Variants in MARCHF8 observed in about 807,000 individuals in gnomAD.
The protein encoded by MARCHF8 is membrane associated ring-CH-type finger 8, also known as E3 ubiquitin-protein ligase MARCHF8.
MARCHF8 carries 40 observed loss-of-function variants against 51.6 expected under a neutral mutation model. That is an observed-to-expected ratio of 0.77 (90% CI 0.60 to 1.01). MARCHF8 has a LOEUF of 1.01. Ranked by LOEUF, MARCHF8 falls within the 50% of genes least tolerant of loss-of-function variation. The probability of loss-of-function intolerance (pLI) is 0.00; values close to 1 mark genes in which losing one functional copy is unlikely to be tolerated. For synonymous variants in MARCHF8, 263 were observed against 280.3 expected (o/e 0.94, Z 0.62); for missense variants, 685 against 708.6 (o/e 0.97, Z 0.38).
In MARCHF8 at chr10:45,458,030, G is replaced by A. The variant is rs1197961275; in HGVS notation, c.*209C>T. The stretch of plus-strand genomic sequence containing the variant: ...ATGGGGTCTTCCACTTTCCCACAGA[G>A]CTGCCAGGCAGAGGCAGGACCCAGG... On this transcript the variant is annotated 3_prime_UTR_variant, in exon 8 of 8. Transcript: ENST00000453424. The A allele has an allele frequency of 1.8e-6, 1 of 561,084 alleles. No homozygotes were observed. The highest frequency in any genetic ancestry group is 3.1e-6 in the Non-Finnish European group (1 of 324,966). The allele number at this position is 561,084 out of a possible 1,614,324, so 34.8% of individuals were successfully genotyped here. A position where few individuals can be genotyped will look rare whatever the true frequency, so the allele number is the denominator to read the frequency against.
chr10:45,557,844 C>A (rs1239109347), intron 1 of MARCHF8, among the ~76,000 whole-genome samples: 6 of 152,190 alleles, frequency 3.9e-5, no homozygotes, highest in African/African-American at 1.4e-4. Flanking sequence ...GGTAAGCACA[C>A]AGACTCACAG....
At chr10:45,511,141 T>C (rs1369246269) in intron 2 of MARCHF8, among the ~76,000 whole-genome samples, 1 of 152,232 alleles carries the variant, frequency 6.6e-6, no homozygotes. Flanking sequence ...CTCCATTAAG[T>C]ATTTTTCATT....
intron 1 of MARCHF8, among the ~76,000 whole-genome samples, chr10:45,585,510 T>C (rs1211757780): frequency 6.6e-6 from 1 of 151,998 alleles, no homozygotes; most frequent in Non-Finnish European, 1.5e-5. Context: ...GTCATAAAGT[T>C]CAACAGCATG....
chr10:45,556,057 T>A (rs960457529), intron 1 of MARCHF8, among the ~76,000 whole-genome samples: 7 of 152,156 alleles, frequency 4.6e-5, no homozygotes, highest in African/African-American at 1.7e-4. Flanking sequence ...GAATAAGTGG[T>A]CACTACTGTT....
At chr10:45,594,599 C>CCCAA (rs2044717098) in exon 1 of MARCHF8, 3 of 138,518 alleles carry the variant, frequency 2.2e-5, no homozygotes, top group Middle Eastern at 3.6e-3. Flanking sequence ...TGGCGGCCGC[C>CCCAA]CCCACCCAGC....
At chr10:45,521,715 G>T (rs1022355986) in intron 2 of MARCHF8, among the ~76,000 whole-genome samples, 1 of 152,012 alleles carries the variant, frequency 6.6e-6, no homozygotes, top group African/African-American at 2.4e-5. Flanking sequence ...TGTCTACTGC[G>T]ACGCTTTCTT....
chr10:45,545,148 G>C (rs938051190), intron 1 of MARCHF8, among the ~76,000 whole-genome samples: 3 of 152,150 alleles, frequency 2.0e-5, no homozygotes, highest in African/African-American at 7.2e-5. Context: ...AATGTTCACA[G>C]AATGTTACAT....
At chr10:45,466,296 A>T (rs1476530312) in intron 3 of MARCHF8, among the ~76,000 whole-genome samples, 4 of 152,188 alleles carry the variant, frequency 2.6e-5, no homozygotes, top group Non-Finnish European at 4.4e-5. Flanking sequence ...GCCTTCCTGT[A>T]CTTATTGCTC....
chr10:45,543,147 C>T (rs561889249), intron 1 of MARCHF8, among the ~76,000 whole-genome samples: 1 of 152,326 alleles, frequency 6.6e-6, no homozygotes, highest in South Asian at 2.1e-4. Context: ...TTACTCTCTT[C>T]CTAGTCTTAA....
intron 3 of MARCHF8, among the ~76,000 whole-genome samples, chr10:45,482,971 A>G (rs956881241): frequency 1.3e-5 from 2 of 152,230 alleles, no homozygotes; most frequent in African/African-American, 4.8e-5. Flanking sequence ...CCTCTCTCTC[A>G]TCGCATACAA....
At chr10:45,563,982 G>T (rs1204442806) in intron 1 of MARCHF8, among the ~76,000 whole-genome samples, 1 of 152,116 alleles carries the variant, frequency 6.6e-6, no homozygotes, top group East Asian at 1.9e-4. Context: ...TCTCAGCAAA[G>T]AAATAAAAAG....
At chr10:45,485,152 G>A (rs1426410761) in intron 3 of MARCHF8, among the ~76,000 whole-genome samples, 2 of 152,124 alleles carry the variant, frequency 1.3e-5, no homozygotes, top group Non-Finnish European at 1.5e-5. Context: ...ACAACCTCCA[G>A]GGCTCCATCC....
chr10:45,532,374 A>T (rs1467108334), intron 2 of MARCHF8, among the ~76,000 whole-genome samples: 1 of 152,174 alleles, frequency 6.6e-6, no homozygotes. Context: ...TTCCCCATGT[A>T]CACACTATTA....
intron 2 of MARCHF8, among the ~76,000 whole-genome samples, chr10:45,504,098 G>C (rs926716990): frequency 6.6e-6 from 1 of 152,086 alleles, no homozygotes; most frequent in African/African-American, 2.4e-5. Flanking sequence ...TACTAATTGG[G>C]CACTTTAAAA....
intron 1 of MARCHF8, among the ~76,000 whole-genome samples, chr10:45,549,032 C>G (rs1324381832): frequency 6.6e-6 from 1 of 151,900 alleles, no homozygotes; most frequent in East Asian, 1.9e-4. Context: ...AATAGTCTAC[C>G]TTCTTGAGCT....
intron 1 of MARCHF8, among the ~76,000 whole-genome samples, chr10:45,562,786 AAAT>A (rs539375314): frequency 9.2e-5 from 14 of 152,348 alleles, no homozygotes; most frequent in African/African-American, 3.4e-4. Context: ...CCCATGCTAA[AAAT>A]AATAATAATT....
rs142851532 is a variant in MARCHF8, at chr10:45,489,419, T to C, written c.103-2A>G. 1.9e-6 allele frequency: 3 copies of C among 1,611,144 alleles called. No homozygotes were observed. The highest frequency in any genetic ancestry group is 1.3e-5 in the African/African-American group (1 of 74,824). Reference sequence around the variant, plus strand: ...GAAATGTCCCAAAGTCTTCTCATTCTGCAAGAAAATCAAACAGGTTTTAAT... The same window carrying C: ...GAAATGTCCCAAAGTCTTCTCATTCCGCAAGAAAATCAAACAGGTTTTAAT... On this transcript the variant is annotated splice_acceptor_variant, in intron 2 of 7. Transcript: ENST00000453424. LOFTEE classifies it high-confidence loss of function.
chr10:45,512,611 G>GC (rs1278471526), intron 2 of MARCHF8, among the ~76,000 whole-genome samples: 6 of 146,184 alleles, frequency 4.1e-5, no homozygotes, highest in African/African-American at 1.3e-4. Flanking sequence ...GGGGGGGTCA[G>GC]CCCCCCGCCC....
intron 2 of MARCHF8, among the ~76,000 whole-genome samples, chr10:45,503,277 C>A (rs1399459446): frequency 6.6e-6 from 1 of 152,130 alleles, no homozygotes; most frequent in Non-Finnish European, 1.5e-5. Context: ...GTGGCTCACA[C>A]CTGTAATCCC....
Sources: gnomAD v4.1 joint callset for allele counts (sites outside exome capture counted in the v4.1 genomes callset) on GRCh38, gnomAD v4.1.1 for gene constraint, MANE v1.5 for transcripts, NCBI Gene and HGNC (gene_info 2026-07-23, HGNC 2026-07-21) for gene names.